The following MAPK8 variants were observed in gnomAD, a reference collection of about 807,000 sequenced individuals.
MAPK8 encodes the protein mitogen-activated protein kinase 8.
MAPK8 carries 13 observed loss-of-function variants against 52.9 expected under a neutral mutation model. The observed-to-expected ratio is 0.25, with a 90% confidence interval of 0.16 to 0.39. The LOEUF (loss-of-function observed/expected upper bound fraction) is 0.39. Ranked by LOEUF, MAPK8 falls within the 10% of genes least tolerant of loss-of-function variation. The pLI is 1.00. For missense variants in MAPK8, 300 were observed against 519.2 expected, an observed-to-expected ratio of 0.58 and a Z score of 4.10; for synonymous variants, 191 against 169.8, an observed-to-expected ratio of 1.12 and a Z score of -0.97.
intron 5 of MAPK8, among the ~76,000 whole-genome samples, chr10:48,412,774 C>T (rs1035201860): frequency 6.6e-6 from 1 of 152,066 alleles, no homozygotes; most frequent in African/African-American, 2.4e-5. Context: ...ATGTTTTTTC[C>T]CCACCTTTTT....
Position 48,362,085 on chromosome 10 carries a change from C to T in MAPK8, c.-49-39527C>T, listed in dbSNP as rs569297163. Among the ~76,000 whole-genome samples the T allele has an allele frequency of 1.4e-3, 209 of 152,242 alleles. 2 individuals carry two copies. Among genetic ancestry groups the T allele is most frequent in the African/African-American group, 3.5e-3 (147 of 41,544 alleles). ...GTCTGTGATGCAAAAGTAAATTCAT[C>T]GTACCTTTTTCCAGCTTTATTTCCT... On this transcript the variant is annotated intron_variant, in intron 1 of 11. Coordinates refer to ENST00000374189, the MANE Select transcript of MAPK8 (RefSeq NM_001323329.2).
intron 1 of MAPK8, among the ~76,000 whole-genome samples, chr10:48,341,860 C>G (rs1845302624): frequency 6.6e-6 from 1 of 152,188 alleles, no homozygotes; most frequent in Non-Finnish European, 1.5e-5. Flanking sequence ...GAAGGATGAG[C>G]AGGAGCTCAA....
rs75304395 is a variant in MAPK8, at chr10:48,389,420, G to A, written c.-49-12192G>A. Among the ~76,000 whole-genome samples the A allele has an allele frequency of 6.8e-4, 103 of 152,222 alleles. 1 individual carries two copies. The East Asian group carries it at 0.018, about 27-fold the overall frequency. ...CCTCTTGAAGAAGCACTTACTCAGC[G>A]GATCCTGTAACATGTGGTTCTGCCA... On this transcript the variant is annotated intron_variant, in intron 1 of 11. Coordinates refer to ENST00000374189, the MANE Select transcript of MAPK8 (RefSeq NM_001323329.2).
chr10:48,420,502 G>T (rs1237497485), intron 6 of MAPK8, among the ~76,000 whole-genome samples, 182 bp downstream of exon 6: 2 of 152,012 alleles, frequency 1.3e-5, no homozygotes, highest in Non-Finnish European at 2.9e-5. Context: ...AAAAACTTGG[G>T]GCCCTTATTT....
intron 1 of MAPK8, among the ~76,000 whole-genome samples, chr10:48,397,594 T>C (rs2041952451): frequency 6.6e-6 from 1 of 152,152 alleles, no homozygotes; most frequent in South Asian, 2.1e-4. Flanking sequence ...TTCAGTATTC[T>C]TTTTTTCTTT....
intron 4 of MAPK8, 34 bp downstream of exon 4, chr10:48,409,971 T>C: frequency 6.2e-7 from 1 of 1,608,140 alleles, no homozygotes; most frequent in Non-Finnish European, 8.5e-7. Context: ...GTTAAGTTAG[T>C]ACATTTTTCT....
intron 1 of MAPK8, among the ~76,000 whole-genome samples, chr10:48,379,507 C>A (rs1054617047): frequency 1.3e-5 from 2 of 152,078 alleles, no homozygotes; most frequent in African/African-American, 4.8e-5. Context: ...ACAAATAGTT[C>A]CCAAATTCTG....
At chr10:48,425,318 C>T (rs1564618635) in intron 7 of MAPK8, 1 of 566,258 alleles carries the variant, frequency 1.8e-6, no homozygotes, top group Non-Finnish European at 3.2e-6. Flanking sequence ...AAAACTGAAT[C>T]TTTTTTATAA....
intron 1 of MAPK8, among the ~76,000 whole-genome samples, chr10:48,342,703 T>C (rs1436111573): frequency 1.1e-4 from 16 of 151,926 alleles, no homozygotes; most frequent in Non-Finnish European, 2.4e-4. Context: ...TCAGAGTAGT[T>C]GTGGGTAATG....
chr10:48,373,571 CAAAAAAAAAAA>C (rs539162576), intron 1 of MAPK8, among the ~76,000 whole-genome samples: 55 of 16,846 alleles, frequency 3.3e-3, no homozygotes, highest in South Asian at 6.9e-3. Context: ...AAATTGAAAG[CAAAAAAAAAAA>C]AAAAAAAAAA....
intron 1 of MAPK8, among the ~76,000 whole-genome samples, chr10:48,329,788 T>C (rs778877343): frequency 6.6e-6 from 1 of 152,224 alleles, no homozygotes; most frequent in South Asian, 2.1e-4. Flanking sequence ...CATTGCATCC[T>C]ATTTACTGGT....
chr10:48,422,745 C>T (rs2043439871), intron 6 of MAPK8, among the ~76,000 whole-genome samples: 1 of 151,930 alleles, frequency 6.6e-6, no homozygotes, highest in Non-Finnish European at 1.5e-5. Flanking sequence ...TCCTTGAAAG[C>T]TGAACCATGA....
At chr10:48,434,516 A>C (rs977429660) in intron 11 of MAPK8, among the ~76,000 whole-genome samples, 1 of 152,248 alleles carries the variant, frequency 6.6e-6, no homozygotes, top group Non-Finnish European at 1.5e-5. Flanking sequence ...TGTCCAAAAA[A>C]AGGCATTACA....
At chr10:48,372,031 A>G (rs1000719469) in intron 1 of MAPK8, among the ~76,000 whole-genome samples, 2 of 152,090 alleles carry the variant, frequency 1.3e-5, no homozygotes, top group African/African-American at 4.8e-5. Flanking sequence ...GCATGTGTTA[A>G]TGTTATCCAG....
chr10:48,370,321 AT>A (rs560902141), intron 1 of MAPK8, among the ~76,000 whole-genome samples: 5 of 150,754 alleles, frequency 3.3e-5, no homozygotes, highest in South Asian at 2.1e-4. Context: ...GCAACTTGGG[AT>A]TTTTTTTTTC....
At chr10:48,421,511 A>T (rs187008984) in intron 6 of MAPK8, among the ~76,000 whole-genome samples, 4 of 152,306 alleles carry the variant, frequency 2.6e-5, no homozygotes, top group Admixed American at 2.6e-4. Flanking sequence ...AAACTGTCAT[A>T]TATAGAATTG....
intron 1 of MAPK8, among the ~76,000 whole-genome samples, chr10:48,319,949 C>T (rs1390244395): frequency 6.6e-6 from 1 of 151,654 alleles, no homozygotes; most frequent in Non-Finnish European, 1.5e-5. Context: ...AGAGTTTCAC[C>T]CTTGTTGCCC....
intron 1 of MAPK8, among the ~76,000 whole-genome samples, chr10:48,349,115 C>G (rs1206278843): frequency 6.6e-6 from 1 of 152,090 alleles, no homozygotes; most frequent in East Asian, 1.9e-4. Flanking sequence ...CAGAAGCACC[C>G]AGATTCATAA....
intron 5 of MAPK8, among the ~76,000 whole-genome samples, chr10:48,411,577 A>C (rs1330416422): frequency 2.6e-5 from 4 of 152,210 alleles, no homozygotes; most frequent in African/African-American, 9.6e-5. Flanking sequence ...TTATTCTTTT[A>C]CAATATTGTT....
Sources: allele counts gnomAD v4.1 joint callset (sites outside exome capture counted in the v4.1 genomes callset), GRCh38; gene constraint gnomAD v4.1.1; transcripts MANE v1.5; gene names NCBI Gene and HGNC (gene_info 2026-07-23, HGNC 2026-07-21).